Variants in TKFC observed in about 807,000 individuals in gnomAD.
The protein encoded by TKFC is triokinase and FMN cyclase.
In TKFC, 46 loss-of-function variants were observed where a neutral mutation model predicts 61.0. The ratio of observed to expected loss-of-function variants is 0.75; its 90% CI spans 0.60 to 0.96. TKFC has a LOEUF of 0.96. Among genes scored for constraint, TKFC ranks in the 50% least tolerant of loss-of-function variants. The pLI is 0.00. For missense variants in TKFC, 715 were observed against 777.5 expected (o/e 0.92, Z 0.96); for synonymous variants, 314 against 330.1 (o/e 0.95, Z 0.53).
rs944968047 is a variant in TKFC, at chr11:61,339,612, G to T, written c.486+177G>T. The T allele has an allele frequency of 4.3e-6, 3 of 700,692 alleles. No homozygotes were observed. The African/African-American group carries it at 5.3e-5, about 12-fold the overall frequency. 43.4% of individuals were successfully genotyped at this position (700,692 alleles called of 1,614,324 possible). On this transcript the variant is annotated intron_variant, in intron 5 of 17. Coordinates refer to ENST00000394900, the MANE Select transcript of TKFC (RefSeq NM_015533.4). Reference sequence around the variant, plus strand: ...CTCAGCTACCTAAGCCCAGATACAGGCATTTTCCCAGACTCGTCCCCTTTT... The same window carrying T: ...CTCAGCTACCTAAGCCCAGATACAGTCATTTTCCCAGACTCGTCCCCTTTT...
In TKFC at chr11:61,343,981, A is replaced by T. The variant is rs1856992672; in HGVS notation, c.1102+6A>T. 1 of 1,610,276 alleles carries T rather than the reference A, an allele frequency of 6.2e-7. No individual in the cohort carries two copies. Among genetic ancestry groups the T allele is most frequent in the Non-Finnish European group, 8.5e-7 (1 of 1,179,560 alleles). ...TGATTCCACTGCTGCAGGAGGTACCAACCCCTGCCTTTGGGGAAGGGACAG... is the reference window on the plus strand; with the variant it reads ...TGATTCCACTGCTGCAGGAGGTACCTACCCCTGCCTTTGGGGAAGGGACAG... On this transcript the variant is annotated splice_donor_region_variant and intron_variant, in intron 12 of 17. Coordinates refer to ENST00000394900, the MANE Select transcript of TKFC (RefSeq NM_015533.4).
chr11:61,347,813 A>G lies in TKFC; in HGVS notation c.*1310A>G, dbSNP rs570766739. 62 of 974,104 alleles carry G rather than the reference A, an allele frequency of 6.4e-5. No individual in the cohort carries two copies. In the African/African-American group the frequency reaches 1.0e-3, roughly 16 times the overall value. The allele number at this position is 974,104 out of a possible 1,614,324, so 60.3% of individuals were successfully genotyped here. ...GATCTGTAAAATCAGAATGGTACCC[A>G]CCTCATGGGGACATGAAAGGATTCA... On this transcript the variant is annotated 3_prime_UTR_variant, in exon 18 of 18. Coordinates refer to ENST00000394900, the MANE Select transcript of TKFC (RefSeq NM_015533.4).
At chr11:61,351,253 C>A, downstream of TKFC, 3 of 1,157,444 alleles carry the variant, frequency 2.6e-6, no homozygotes, top group Non-Finnish European at 3.5e-6. Flanking sequence ...CTTCCCGGGT[C>A]CATATGTGAT....
At chr11:61,335,923 T>C (rs1856588504) in intron 2 of TKFC, 1 of 152,184 alleles carries the variant, frequency 6.6e-6, no homozygotes, top group Non-Finnish European at 1.5e-5. Context: ...GCCTCCCGAG[T>C]AGCTGGAATT....
downstream of TKFC, chr11:61,351,569 G>A (rs980463647): frequency 5.2e-5 from 8 of 152,674 alleles, no homozygotes; most frequent in African/African-American, 1.4e-4. Context: ...GATTACAGGC[G>A]TGAGCCACTG....
chr11:61,345,844 TCA>T lies in TKFC; in HGVS notation c.1486-11_1486-10del. The T allele has an allele frequency of 6.2e-7, 1 of 1,614,038 alleles. No individual in the cohort carries two copies. The highest frequency in any genetic ancestry group is 8.5e-7 in the Non-Finnish European group (1 of 1,179,986). On this transcript the variant is annotated splice_polypyrimidine_tract_variant and intron_variant, in intron 16 of 17. Coordinates refer to ENST00000394900, the MANE Select transcript of TKFC (RefSeq NM_015533.4). ...GGGCCCGTGCTCAGCCCCCTTTCCT[TCA>T]CCTTGTCCAGCTGGATTCTCTGTGG...
intron 2 of TKFC, among the ~76,000 whole-genome samples, chr11:61,337,458 A>T (rs1856657395): frequency 6.6e-6 from 1 of 152,186 alleles, no homozygotes; most frequent in South Asian, 2.1e-4. Context: ...TTATCTCTAC[A>T]CATAGTGTCT....
intron 1 of TKFC, chr11:61,334,376 G>A (rs961046971): frequency 4.0e-6 from 1 of 247,442 alleles, no homozygotes; most frequent in Non-Finnish European, 8.0e-6. Flanking sequence ...TGATGAAGTG[G>A]GTGCTGTTCC....
chr11:61,338,166 G>A, intron 3 of TKFC, 36 bp downstream of exon 3: 2 of 1,523,666 alleles, frequency 1.3e-6, no homozygotes, highest in Non-Finnish European at 1.8e-6. Flanking sequence ...GGTACTAGTG[G>A]AGTGGACAGG....
Position 61,336,991 on chromosome 11 carries a change from C to T in TKFC, c.4-950C>T, listed in dbSNP as rs76318919. 8.5e-4 allele frequency among the ~76,000 whole-genome samples: 129 copies of T among 152,286 alleles called. 2 individuals carry two copies. In the East Asian group the frequency reaches 0.024, roughly 28 times the overall value. On this transcript the variant is annotated intron_variant, in intron 2 of 17. Transcript: ENST00000394900. ...TGCCCCCTTTTTCCCTACCCCGGTC[C>T]TGCTTATCCTTCCCAGAGACCTCCA...
rs1490716619 is a variant in TKFC, at chr11:61,346,637, G to A, written c.*134G>A. 2 of 1,473,972 alleles carry A rather than the reference G, an allele frequency of 1.4e-6. No individual in the cohort carries two copies. The highest frequency in any genetic ancestry group is 2.3e-5 in the East Asian group (1 of 43,114). 91.3% of individuals were successfully genotyped at this position (1,473,972 alleles called of 1,614,324 possible). A position where few individuals can be genotyped will look rare whatever the true frequency, so the allele number is the denominator to read the frequency against. Reference sequence around the variant, plus strand: ...TTGGCCCACCCTCTAAGTTGAGCAGGAAATCCTCCACCAAGCTTCCAGAAC... The same window carrying A: ...TTGGCCCACCCTCTAAGTTGAGCAGAAAATCCTCCACCAAGCTTCCAGAAC... On this transcript the variant is annotated 3_prime_UTR_variant, in exon 18 of 18. Coordinates refer to ENST00000394900, the MANE Select transcript of TKFC (RefSeq NM_015533.4). The surrounding 1 kb of genome is among the most constrained non-coding windows in gnomAD (Gnocchi z 4.1).
Position 61,341,457 on chromosome 11 carries a change from G to A in TKFC, c.508G>A (p.Ala170Thr). Residue 170 changes from alanine to threonine, a missense_variant, in exon 6 of 18, where the codon GCT (alanine) becomes ACT (threonine). Ala to Thr is a moderately conservative substitution (Grantham distance 58). Coordinates refer to ENST00000394900, the MANE Select transcript of TKFC (RefSeq NM_015533.4). ...GCAGGTGGCAGGTGCTCTGGCTGAG[G>A]CTGGTGTGGGGCTGGAGGAGATCGC... The part of the protein sequence containing the change: ...IHKVAGALAE[A>T]GVGLEEIAKQ... 1 of 1,554,748 alleles carries A rather than the reference G, an allele frequency of 6.4e-7. No homozygotes were observed. The highest frequency in any genetic ancestry group is 8.7e-7 in the Non-Finnish European group (1 of 1,148,476).
At position 61,339,105 on chromosome 11, in the gene TKFC, G is replaced by T; in HGVS notation, c.233G>T (p.Gly78Val). The T allele has an allele frequency of 6.2e-7, 1 of 1,613,722 alleles. No individual in the cohort carries two copies. The highest frequency in any genetic ancestry group is 8.5e-7 in the Non-Finnish European group (1 of 1,179,968). ...GKGMLTGVIA[G>V]AVFTSPAVGS... is the part of the protein sequence containing the mutation. ...GGGATGCTGACTGGGGTCATCGCGG[G>T]AGCTGTGTTCACCTCCCCGGCAGTG... is the stretch of plus-strand genomic sequence containing the variant. The change falls in exon 4 of 18, where the codon GGA becomes GTA. Residue 78 changes from glycine to valine, a missense_variant. Transcript: ENST00000394900.
chr11:61,339,641 C>T, intron 5 of TKFC: 1 of 599,364 alleles, frequency 1.7e-6, no homozygotes, highest in Non-Finnish European at 2.9e-6. Context: ...CCCTTTTCTT[C>T]TCCACACCCA....
intron 12 of TKFC, 67 bp downstream of exon 12, chr11:61,344,042 G>T: frequency 6.3e-7 from 1 of 1,598,738 alleles, no homozygotes; most frequent in Non-Finnish European, 8.5e-7. Flanking sequence ...CGGTGGGGCG[G>T]GTAGGGGCCC....
chr11:61,338,296 G>A (rs1175920216), intron 3 of TKFC, among the ~76,000 whole-genome samples, 166 bp downstream of exon 3: 1 of 152,186 alleles, frequency 6.6e-6, no homozygotes, highest in Admixed American at 6.5e-5. Context: ...GCCCATCACG[G>A]CCTCTCTGAA....
intron 2 of TKFC, among the ~76,000 whole-genome samples, chr11:61,337,457 C>T (rs1340673209): frequency 6.6e-6 from 1 of 152,204 alleles, no homozygotes; most frequent in Non-Finnish European, 1.5e-5. Context: ...GTTATCTCTA[C>T]ACATAGTGTC....
At chr11:61,344,359 CTTT>C (rs56214441) in intron 13 of TKFC, 86 bp downstream of exon 13, 172,929 of 1,062,390 alleles carry the variant, frequency 0.16, 63 homozygotes, top group Middle Eastern at 0.18. Flanking sequence ...AGGGACCTTC[CTTT>C]TTTTTTTTTT....
downstream of TKFC, chr11:61,350,733 T>G: frequency 1.7e-6 from 1 of 599,102 alleles, no homozygotes; most frequent in Non-Finnish European, 2.9e-6. Context: ...AGGCCACACT[T>G]CACCCCACAG....
Sources: allele counts gnomAD v4.1 joint callset (sites outside exome capture counted in the v4.1 genomes callset), GRCh38; gene constraint gnomAD v4.1.1; non-coding constraint Gnocchi (gnomAD v3.1); transcripts MANE v1.5; gene names NCBI Gene and HGNC (gene_info 2026-07-23, HGNC 2026-07-21).